DSCC1: variants seen among roughly 807,000 people sequenced by gnomAD.
DSCC1 encodes sister chromatid cohesion protein DCC1.
A neutral mutation model predicts 48.2 loss-of-function variants in DSCC1; 32 were observed. The ratio of observed to expected loss-of-function variants is 0.66; its 90% CI spans 0.50 to 0.89. The LOEUF is 0.89. DSCC1 is among the 40% of genes least tolerant of loss of function. The probability of loss-of-function intolerance (pLI) is 0.00; values close to 1 mark genes in which losing one functional copy is unlikely to be tolerated. For synonymous variants in DSCC1, 150 were observed against 171.5 expected (o/e 0.87, Z 0.98); for missense variants, 421 against 471.7 (o/e 0.89, Z 1.00).
intron 3 of DSCC1, 23 bp from the exon 4 acceptor site, chr8:119,847,103 T>A: frequency 6.3e-7 from 1 of 1,594,920 alleles, no homozygotes; most frequent in Non-Finnish European, 8.6e-7. Context: ...AAAAATATTT[T>A]AAGGCCTTTG....
chr8:119,851,252 CAG>C (rs1303624762), intron 2 of DSCC1, among the ~76,000 whole-genome samples: 1 of 152,178 alleles, frequency 6.6e-6, no homozygotes, highest in Non-Finnish European at 1.5e-5. Context: ...AATGGAAGGA[CAG>C]GGGATGCTTC....
chr8:119,852,855 G>C, intron 2 of DSCC1, 192 bp downstream of exon 2: 1 of 466,300 alleles, frequency 2.1e-6, no homozygotes. Context: ...GGAAAAAACA[G>C]ACAAGTTCAC....
chr8:119,846,053 G>A (rs1050477864), intron 4 of DSCC1, among the ~76,000 whole-genome samples: 3 of 151,782 alleles, frequency 2.0e-5, no homozygotes, highest in Non-Finnish European at 4.4e-5. Flanking sequence ...GCCCTTCCTA[G>A]GCCCTAGTTT....
intron 5 of DSCC1, among the ~76,000 whole-genome samples, chr8:119,843,141 T>G (rs1586578237): frequency 6.7e-6 from 1 of 149,852 alleles, no homozygotes; most frequent in African/African-American, 2.5e-5. Flanking sequence ...TTTTTGAGAG[T>G]GCAGTAGCGC....
At chr8:119,852,958 T>C in intron 2 of DSCC1, 89 bp downstream of exon 2, 2 of 1,237,860 alleles carry the variant, frequency 1.6e-6, no homozygotes, top group Non-Finnish European at 2.1e-6. Context: ...GATTATAGAT[T>C]TTACACGTAA....
intron 4 of DSCC1, among the ~76,000 whole-genome samples, chr8:119,846,181 T>G (rs569700749): frequency 6.8e-6 from 1 of 147,548 alleles, no homozygotes; most frequent in East Asian, 2.1e-4. Context: ...TGACGCGATC[T>G]CCGCTCACTG....
Position 119,838,362 on chromosome 8 carries a change from A to G in DSCC1, c.970T>C (p.Leu324=), listed in dbSNP as rs1055952167. The G allele has an allele frequency of 6.2e-7, 1 of 1,608,924 alleles. No individual in the cohort carries two copies. The highest frequency in any genetic ancestry group is 1.1e-5 in the South Asian group (1 of 88,998). The part of the protein sequence containing the change: ...DRHSRPEIIF[L]LKVDDLPEDN... ...TCAGGTAAATCATCTACTTTCAGCA[A>G]AAATATGATTTCTGGTCTCGAGTGT... Residue 324 remains leucine (L), a synonymous_variant, in exon 8 of 9, where the codon TTG becomes CTG. Coordinates refer to ENST00000313655, the MANE Select transcript of DSCC1 (RefSeq NM_024094.3).
chr8:119,836,711 A>G (rs759958734), intron 8 of DSCC1, among the ~76,000 whole-genome samples: 2 of 152,082 alleles, frequency 1.3e-5, no homozygotes, highest in Non-Finnish European at 2.9e-5. Context: ...ACCTCAGGGA[A>G]AAGGGCAAGT....
chr8:119,853,270 T>G (rs1826968170), intron 1 of DSCC1, 55 bp from the exon 2 acceptor site: 1 of 1,543,230 alleles, frequency 6.5e-7, no homozygotes, highest in South Asian at 1.2e-5. Flanking sequence ...GTAGCCATTT[T>G]CATCATAAAC....
At position 119,847,037 on chromosome 8, in the gene DSCC1, T is replaced by C; in HGVS notation, c.530A>G (p.Glu177Gly). Reference protein sequence around the residue: ...DLLDQIQASEEEIMTQLQVLN... With the variant: ...DLLDQIQASEGEIMTQLQVLN... The stretch of plus-strand genomic sequence containing the variant: ...AACTTGTAATTGGGTCATTATTTCT[T>C]CCTCACTTGCCTGAATTTGATCAAG... Residue 177 changes from glutamate to glycine, a missense_variant, in exon 4 of 9, where the codon GAA becomes GGA. Transcript: ENST00000313655. 2 of 1,613,744 alleles carry C rather than the reference T, an allele frequency of 1.2e-6. No homozygotes were observed. Among genetic ancestry groups the C allele is most frequent in the Non-Finnish European group, 1.7e-6 (2 of 1,180,032 alleles).
intron 8 of DSCC1, among the ~76,000 whole-genome samples, chr8:119,837,555 G>A (rs1034398009): frequency 4.6e-5 from 7 of 152,216 alleles, no homozygotes; most frequent in African/African-American, 9.6e-5. Context: ...GTGAGGGGCC[G>A]TTGTAAGTAC....
Position 119,834,982 on chromosome 8 carries a change from G to A in DSCC1, c.1093C>T (p.Gln365Ter), listed in dbSNP as rs144550124. ...TTAGTGAGTAATGCACCTATGGTTTGCTTCTCTCCACACAAATCTCTGTAG... is the reference window on the plus strand; with the variant it reads ...TTAGTGAGTAATGCACCTATGGTTTACTTCTCTCCACACAAATCTCTGTAG... ...PYIQDLCGEKQTIGALLTKYS... is the reference protein window; with the variant it reads ...PYIQDLCGEK Residue 365 changes from glutamine (Q) to a stop codon, truncating the protein, a stop_gained, in exon 9 of 9, where the codon CAA (glutamine) becomes TAA (stop). Coordinates refer to ENST00000313655, the MANE Select transcript of DSCC1 (RefSeq NM_024094.3). LOFTEE classifies it high-confidence loss of function. 2 of 1,602,504 alleles carry A rather than the reference G, an allele frequency of 1.2e-6. No individual in the cohort carries two copies. The highest frequency in any genetic ancestry group is 2.3e-5 in the South Asian group (2 of 88,666).
chr8:119,843,725 A>G lies in DSCC1; in HGVS notation c.600T>C (p.Phe200=), dbSNP rs1351344960. 3 of 1,609,680 alleles carry G rather than the reference A, an allele frequency of 1.9e-6. No homozygotes were observed. The African/African-American group carries it at 4.0e-5, about 22-fold the overall frequency. Residue 200 remains phenylalanine (F), a synonymous_variant, in exon 5 of 9, where the codon TTT becomes TTC. Transcript: ENST00000313655. ...GATTCAGAAGTTTCATCTCATAATC[A>G]AATTCAAGAATCCTCCAATAACCTA... ...KIGGYWRILE[F]DYEMKLLNHV...
chr8:119,843,613 G>A lies in DSCC1; in HGVS notation c.712C>T (p.Pro238Ser). 6.2e-7 allele frequency: 1 copy of A among 1,607,070 alleles called. No homozygotes were observed. The highest frequency in any genetic ancestry group is 8.5e-7 in the Non-Finnish European group (1 of 1,178,386). Residue 238 changes from proline (P) to serine (S), a missense_variant, in exon 5 of 9, where the codon CCA (proline) becomes TCA (serine). Physicochemically the swap from Pro to Ser is moderately conservative, Grantham distance 74 (BLOSUM62 -1). Transcript: ENST00000313655. ...TCLQELGPLEPEEMIEHCLKC... is the reference protein window; with the variant it reads ...TCLQELGPLESEEMIEHCLKC... ...ACAAGAAATTAAAATACTTACTCTG[G>A]CTCCAATGGTCCGAGTTCCTGAAGG... is the stretch of plus-strand genomic sequence containing the variant.
At chr8:119,838,208 T>C (rs576020408) in intron 8 of DSCC1, 51 bp downstream of exon 8, 43 of 1,495,822 alleles carry the variant, frequency 2.9e-5, no homozygotes, top group African/African-American at 1.3e-4. Flanking sequence ...TGCTGTGCCA[T>C]TGACTATAAA....
chr8:119,850,545 A>T, intron 2 of DSCC1, 29 bp from the exon 3 acceptor site: 1 of 1,524,974 alleles, frequency 6.6e-7, no homozygotes, highest in East Asian at 2.4e-5. Flanking sequence ...GTAACCTTTT[A>T]GGGGCCATTC....
intron 8 of DSCC1, among the ~76,000 whole-genome samples, chr8:119,836,067 C>G (rs570470436): frequency 2.2e-4 from 33 of 152,314 alleles, no homozygotes; most frequent in Non-Finnish European, 4.1e-4. Context: ...AATCCCAGCA[C>G]TTTAGGAGGC....
intron 3 of DSCC1, among the ~76,000 whole-genome samples, chr8:119,848,893 T>C (rs1220547992): frequency 2.0e-5 from 3 of 151,806 alleles, no homozygotes; most frequent in Non-Finnish European, 2.9e-5. Flanking sequence ...AGTTCAAGAC[T>C]AGCCTGGCCG....
chr8:119,852,520 A>AT (rs946215124), intron 2 of DSCC1, among the ~76,000 whole-genome samples: 3 of 151,904 alleles, frequency 2.0e-5, no homozygotes, highest in African/African-American at 4.8e-5. Flanking sequence ...CGCTTGGCTA[A>AT]TTTTTTTGCA....
Sources: allele counts gnomAD v4.1 joint callset (sites outside exome capture counted in the v4.1 genomes callset), GRCh38; gene constraint gnomAD v4.1.1; transcripts MANE v1.5; gene names NCBI Gene and HGNC (gene_info 2026-07-23, HGNC 2026-07-21).